The following FREM1 variants were observed in gnomAD, a reference collection of about 807,000 sequenced individuals.
The protein encoded by FREM1 is FRAS1 related extracellular matrix 1, also known as FRAS1-related extracellular matrix protein 1.
FREM1 carries 220 observed loss-of-function variants against 210.1 expected under a neutral mutation model. The observed-to-expected ratio is 1.05, with a 90% CI of 0.94 to 1.17. The LOEUF (loss-of-function observed/expected upper bound fraction) is 1.17, where lower values mean the gene tolerates loss of function less well. Among genes scored for constraint, FREM1 ranks in the 50% most tolerant of loss-of-function variants. The pLI, the probability that FREM1 is intolerant of heterozygous loss-of-function variation, is 0.00. For missense variants in FREM1, 3,454 were observed against 2,675.5 expected (o/e 1.29, Z -6.42); for synonymous variants, 1,189 against 980.2 (o/e 1.21, Z -3.98).
chr9:14,823,077 G>T (rs1342972951), intron 13 of FREM1, 83 bp downstream of exon 13: 1 of 1,055,678 alleles, frequency 9.5e-7, no homozygotes, highest in Non-Finnish European at 1.3e-6. Flanking sequence ...CTAGCCTAAA[G>T]GAAAGTTACC....
intron 8 of FREM1, among the ~76,000 whole-genome samples, chr9:14,844,227 T>C (rs1194719515): frequency 1.4e-4 from 5 of 35,794 alleles, no homozygotes; most frequent in Non-Finnish European, 4.6e-4. Flanking sequence ...AACTCTTCCT[T>C]TTTTTTTTTT....
In FREM1 at chr9:14,737,701, C is replaced by T. The variant is rs190780122; in HGVS notation, c.6341-106G>A. The stretch of plus-strand genomic sequence containing the variant: ...CAGTTATCACATGCAAGTGTGGGCC[C>T]AGGTTCTAAAACAAGGGATAGGAAC... On this transcript the variant is annotated intron_variant, in intron 36 of 36. Transcript: ENST00000380880. 2.6e-4 allele frequency: 239 copies of T among 915,764 alleles called. 1 individual carries two copies. In the African/African-American group the frequency reaches 3.0e-3, roughly 11 times the overall value. 56.7% of individuals were successfully genotyped at this position (915,764 alleles called of 1,614,324 possible). A position where few individuals can be genotyped will look rare whatever the true frequency, so the allele number is the denominator to read the frequency against.
chr9:14,750,088 G>A (rs1554639697), intron 30 of FREM1, 39 bp downstream of exon 30: 1 of 1,608,540 alleles, frequency 6.2e-7, no homozygotes, highest in Non-Finnish European at 8.5e-7. Context: ...TACAGCGCCA[G>A]GACCGCTCCT....
At chr9:14,773,053 C>T (rs561016508) in intron 25 of FREM1, among the ~76,000 whole-genome samples, 68 of 152,150 alleles carry the variant, frequency 4.5e-4, no homozygotes, top group Admixed American at 1.0e-3. Context: ...AAAAGTAGAT[C>T]TTCTGGCTTA....
intron 13 of FREM1, among the ~76,000 whole-genome samples, chr9:14,820,213 A>C (rs1042693739): frequency 2.0e-5 from 3 of 152,226 alleles, no homozygotes; most frequent in Non-Finnish European, 4.4e-5. Flanking sequence ...TTTATAAGGG[A>C]CATAAGCATA....
In FREM1 at chr9:14,859,407, T is replaced by C; in HGVS notation, c.407A>G (p.His136Arg). The stretch of plus-strand genomic sequence containing the variant: ...CACCTCCAGCACATTGTTACTCATA[T>C]GGATGATGTTACAGTCTGGTTCCAG... ...YLLEPDCNII[H>R]MSNNVLEVPE... The change falls in exon 4 of 37, where the codon CAT becomes CGT. Residue 136 changes from histidine to arginine, a missense_variant. Physicochemically the swap from His to Arg is conservative, Grantham distance 29. Coordinates refer to ENST00000380880, the MANE Select transcript of FREM1 (RefSeq NM_001379081.2). The C allele has an allele frequency of 1.2e-6, 2 of 1,613,832 alleles. No homozygotes were observed. Among genetic ancestry groups the C allele is most frequent in the Non-Finnish European group, 1.7e-6 (2 of 1,179,716 alleles).
Position 14,748,501 on chromosome 9 carries a change from G to T in FREM1, c.5696C>A (p.Ser1899Tyr). The change falls in exon 31 of 37, where the codon TCT (serine) becomes TAT (tyrosine). Residue 1899 changes from serine to tyrosine, a missense_variant. Physicochemically the swap from Ser to Tyr is moderately radical, Grantham distance 144 (BLOSUM62 -2). Coordinates refer to ENST00000380880, the MANE Select transcript of FREM1 (RefSeq NM_001379081.2). ...SFHLERRPLP[S>Y]SMQLAVIRGD... The stretch of plus-strand genomic sequence containing the variant: ...CCTGATGACTGCTAGCTGCATGGAA[G>T]ATGGAAGAGGTCTTCTTTCCAGATG... 6.2e-7 allele frequency: 1 copy of T among 1,613,678 alleles called. No homozygotes were observed. The highest frequency in any genetic ancestry group is 8.5e-7 in the Non-Finnish European group (1 of 1,179,590).
At chr9:14,793,681 G>C (rs937224970) in intron 21 of FREM1, among the ~76,000 whole-genome samples, 1 of 152,164 alleles carries the variant, frequency 6.6e-6, no homozygotes, top group African/African-American at 2.4e-5. Flanking sequence ...GCCTAACTCT[G>C]TCCAACTTTA....
intron 2 of FREM1, among the ~76,000 whole-genome samples, chr9:14,867,617 C>T (rs899904999): frequency 1.3e-5 from 2 of 152,184 alleles, no homozygotes; most frequent in East Asian, 3.9e-4. Flanking sequence ...ACCAGTTGAG[C>T]TAGTATCCAT....
chr9:14,883,698 G>A (rs1382783041), intron 1 of FREM1, among the ~76,000 whole-genome samples: 3 of 152,206 alleles, frequency 2.0e-5, no homozygotes, highest in Non-Finnish European at 2.9e-5. Context: ...TATGTCCAGT[G>A]ACAGCCAACT....
At chr9:14,756,723 T>G (rs1024877015) in intron 28 of FREM1, among the ~76,000 whole-genome samples, 1 of 152,198 alleles carries the variant, frequency 6.6e-6, no homozygotes, top group Non-Finnish European at 1.5e-5. Flanking sequence ...GAAAGGAACA[T>G]GAATTTTAAA....
intron 21 of FREM1, among the ~76,000 whole-genome samples, chr9:14,796,218 T>G (rs891769169): frequency 2.6e-5 from 4 of 152,082 alleles, no homozygotes; most frequent in African/African-American, 9.7e-5. Context: ...TGGAAGAGAT[T>G]TGGGGGGTTT....
chr9:14,747,762 T>A (rs1198263111), intron 31 of FREM1, 34 bp from the exon 32 acceptor site: 1 of 1,353,674 alleles, frequency 7.4e-7, no homozygotes, highest in East Asian at 2.5e-5. Context: ...ATGAACAGAA[T>A]TGGATTGACT....
At chr9:14,753,521 G>T (rs912930205) in intron 29 of FREM1, among the ~76,000 whole-genome samples, 2 of 152,060 alleles carry the variant, frequency 1.3e-5, no homozygotes, top group Non-Finnish European at 2.9e-5. Flanking sequence ...TATTTTTTTG[G>T]TTTGGTAGCA....
chr9:14,740,637 T>G (rs533270717), intron 35 of FREM1, among the ~76,000 whole-genome samples: 2,611 of 152,298 alleles, frequency 0.017, 83 homozygotes, highest in African/African-American at 0.06. Flanking sequence ...GATGAGTAAG[T>G]TAACCCAAAC....
intron 27 of FREM1, among the ~76,000 whole-genome samples, chr9:14,765,384 G>T (rs535503206): frequency 3.9e-5 from 6 of 152,142 alleles, no homozygotes; most frequent in African/African-American, 1.4e-4. Flanking sequence ...GTGTGATTAC[G>T]GTCAGTTACT....
At chr9:14,757,521 C>T (rs547618854) in intron 28 of FREM1, among the ~76,000 whole-genome samples, 5 of 152,274 alleles carry the variant, frequency 3.3e-5, no homozygotes, top group African/African-American at 1.2e-4. Context: ...TGCCATTGCA[C>T]TCCAGCCCGG....
chr9:14,875,474 T>C lies in FREM1; in HGVS notation c.-267-6230A>G, dbSNP rs1021520256. ...TCTTCCAGTTGATCGCATCGGCTCC[T>C]GAGGCTTCTGCATTCTTCACGTAGT... On this transcript the variant is annotated intron_variant, in intron 1 of 36. Transcript: ENST00000380880. Among the ~76,000 whole-genome samples, 12 of 152,358 alleles carry C rather than the reference T, an allele frequency of 7.9e-5. No homozygotes were observed. The East Asian group carries it at 1.7e-3, about 22-fold the overall frequency.
intron 13 of FREM1, among the ~76,000 whole-genome samples, chr9:14,822,693 C>T (rs1162643060): frequency 2.6e-5 from 4 of 152,156 alleles, no homozygotes; most frequent in Non-Finnish European, 5.9e-5. Flanking sequence ...TCCTTTCAGG[C>T]TTACACAAAC....
Sources: gnomAD v4.1 joint callset for allele counts (sites outside exome capture counted in the v4.1 genomes callset) on GRCh38, gnomAD v4.1.1 for gene constraint, MANE v1.5 for transcripts, NCBI Gene and HGNC (gene_info 2026-07-23, HGNC 2026-07-21) for gene names.